NPHP4: variants seen among roughly 807,000 people sequenced by gnomAD.
NPHP4 encodes the protein nephrocystin-4.
In NPHP4, 151 loss-of-function variants were observed where a neutral mutation model predicts 155.8. That is an observed-to-expected ratio of 0.97 (90% confidence interval 0.85 to 1.11). The LOEUF (loss-of-function observed/expected upper bound fraction) is 1.11. NPHP4 is among the 50% of genes least tolerant of loss of function. The pLI is 0.00. For missense variants in NPHP4, 1,956 were observed against 1,925.7 expected (o/e 1.02, Z -0.29); for synonymous variants, 845 against 816.8 (o/e 1.03, Z -0.59).
intron 9 of NPHP4, among the ~76,000 whole-genome samples, chr1:5,943,241 C>T (rs887276490): frequency 2.6e-5 from 4 of 152,328 alleles, no homozygotes; most frequent in Middle Eastern, 3.4e-3. Context: ...AAAAAATTAA[C>T]AGCAGATTAA....
In NPHP4 at chr1:5,867,621, G is replaced by C; in HGVS notation, c.3472+119C>G. 1 of 1,035,252 alleles carries C rather than the reference G, an allele frequency of 9.7e-7. No individual in the cohort carries two copies. Among genetic ancestry groups the C allele is most frequent in the Non-Finnish European group, 1.4e-6 (1 of 708,210 alleles). The allele number at this position is 1,035,252 out of a possible 1,614,324, so 64.1% of individuals were successfully genotyped here. A position where few individuals can be genotyped will look rare whatever the true frequency, so the allele number is the denominator to read the frequency against. On this transcript the variant is annotated intron_variant, in intron 24 of 29. Transcript: ENST00000378156. This position sits in a 1 kb window ranked among gnomAD's most constrained non-coding sequence, Gnocchi z 4.1. ...GGAGAGAGAATTCCCCAGGCCCCAC[G>C]TGCTGCTCTGACAGCACCAGGGCAT...
chr1:5,951,578 C>A lies in NPHP4; in HGVS notation c.810+1122G>T, dbSNP rs988864367. Among the ~76,000 whole-genome samples the A allele has an allele frequency of 5.3e-5, 8 of 152,338 alleles. 1 individual carries two copies. In the South Asian group the frequency reaches 1.7e-3, roughly 32 times the overall value. On this transcript the variant is annotated intron_variant, in intron 7 of 29. Transcript: ENST00000378156. The stretch of plus-strand genomic sequence containing the variant: ...AAGGGGGCTGAGCCCAGGGCTCCAG[C>A]AGAACCAGGCAATCTCCGTCCCACA...
rs1570584442 is a variant in NPHP4, at chr1:5,947,948, G to A, written c.992+122C>T. The A allele has an allele frequency of 3.4e-5, 26 of 756,496 alleles. No homozygotes were observed. The East Asian group carries it at 5.9e-4, about 17-fold the overall frequency. 46.9% of individuals were successfully genotyped at this position (756,496 alleles called of 1,614,324 possible). ...TCCTAATGGGCACAACTTCCAAGAGGAAAGAAACACAAGGAAGAACTCCCA... is the reference window on the plus strand; with the variant it reads ...TCCTAATGGGCACAACTTCCAAGAGAAAAGAAACACAAGGAAGAACTCCCA... On this transcript the variant is annotated intron_variant, in intron 8 of 29. Coordinates refer to ENST00000378156, the MANE Select transcript of NPHP4 (RefSeq NM_015102.5).
chr1:5,867,155 C>T lies in NPHP4; in HGVS notation c.3473-40G>A, dbSNP rs1641326200. On this transcript the variant is annotated intron_variant, in intron 24 of 29. Coordinates refer to ENST00000378156, the MANE Select transcript of NPHP4 (RefSeq NM_015102.5). The surrounding 1 kb of genome is among the most constrained non-coding windows in gnomAD (Gnocchi z 4.1). ...ATGTCAAAAAGAGTCTTCTCCACAG[C>T]CCCAGCCTGTGTGGAGAAGGCCCCA... The T allele has an allele frequency of 6.7e-7, 1 of 1,489,926 alleles. No homozygotes were observed. Among genetic ancestry groups the T allele is most frequent in the Non-Finnish European group, 9.2e-7 (1 of 1,082,118 alleles). The allele number at this position is 1,489,926 out of a possible 1,614,324, so 92.3% of individuals were successfully genotyped here.
chr1:5,979,564 G>C (rs972537101), intron 2 of NPHP4, among the ~76,000 whole-genome samples: 3 of 152,076 alleles, frequency 2.0e-5, no homozygotes, highest in Admixed American at 2.0e-4. Flanking sequence ...TAAGAAAAGG[G>C]TCTCGTCTGT....
At chr1:5,936,595 G>A (rs1646553059) in intron 9 of NPHP4, among the ~76,000 whole-genome samples, 1 of 152,088 alleles carries the variant, frequency 6.6e-6, no homozygotes. Context: ...AAATACACAA[G>A]TACAAATACA....
Position 5,891,071 on chromosome 1 carries a change from A to G in NPHP4, c.2144-43T>C. The G allele has an allele frequency of 2.8e-6, 4 of 1,406,246 alleles. No individual in the cohort carries two copies. In the South Asian group the frequency reaches 6.6e-5, roughly 23 times the overall value. The allele number at this position is 1,406,246 out of a possible 1,614,324, so 87.1% of individuals were successfully genotyped here. A position where few individuals can be genotyped will look rare whatever the true frequency, so the allele number is the denominator to read the frequency against. On this transcript the variant is annotated intron_variant, in intron 16 of 29. Transcript: ENST00000378156. ...AAGGAGGCCAAAAGTAATTGGAGTCATTCATCATCTTTACACTTGGAAGAG... is the reference window on the plus strand; with the variant it reads ...AAGGAGGCCAAAAGTAATTGGAGTCGTTCATCATCTTTACACTTGGAAGAG...
chr1:5,896,727 T>G (rs1035642079), intron 16 of NPHP4, among the ~76,000 whole-genome samples: 5 of 152,138 alleles, frequency 3.3e-5, no homozygotes, highest in African/African-American at 1.2e-4. Context: ...GCACCCCATA[T>G]CCTGATCTCT....
chr1:5,864,061 T>C (rs780354684), intron 28 of NPHP4, 28 bp from the exon 29 acceptor site: 10 of 1,608,900 alleles, frequency 6.2e-6, no homozygotes, highest in Non-Finnish European at 7.6e-6. Context: ...AGGGAGACGC[T>C]GCGGCCACTC....
At position 5,955,354 on chromosome 1, in the gene NPHP4, C is replaced by T. The variant is rs114076130; in HGVS notation, c.674-2518G>A. Among the ~76,000 whole-genome samples the T allele has an allele frequency of 2.4e-3, 373 of 152,326 alleles. 2 individuals carry two copies. The highest frequency in any genetic ancestry group is 8.7e-3 in the African/African-American group (360 of 41,566). ...CTCAAAAAGTTGAAAATAGAATTCCCATATAATTCAGCAATCCTACTACTG... is the reference window on the plus strand; with the variant it reads ...CTCAAAAAGTTGAAAATAGAATTCCTATATAATTCAGCAATCCTACTACTG... On this transcript the variant is annotated intron_variant, in intron 6 of 29. Transcript: ENST00000378156.
intron 7 of NPHP4, among the ~76,000 whole-genome samples, chr1:5,949,143 C>CA (rs1647390277): frequency 6.6e-6 from 1 of 152,046 alleles, no homozygotes. Context: ...GTATAAAATT[C>CA]AACAATGATA....
At position 5,867,363 on chromosome 1, in the gene NPHP4, G is replaced by T; in HGVS notation, c.3473-248C>A. 1 of 547,776 alleles carries T rather than the reference G, an allele frequency of 1.8e-6. No individual in the cohort carries two copies. The allele number at this position is 547,776 out of a possible 1,614,324, so 33.9% of individuals were successfully genotyped here. A position where few individuals can be genotyped will look rare whatever the true frequency, so the allele number is the denominator to read the frequency against. On this transcript the variant is annotated intron_variant, in intron 24 of 29. Coordinates refer to ENST00000378156, the MANE Select transcript of NPHP4 (RefSeq NM_015102.5). This position sits in a 1 kb window ranked among gnomAD's most constrained non-coding sequence, Gnocchi z 4.1. The stretch of plus-strand genomic sequence containing the variant: ...CATCTCCACAGGGAATAATCGAGGG[G>T]GCCACAAAAAAGAAAACACAGCTCC...
chr1:5,881,911 C>G, intron 18 of NPHP4: 1 of 152,430 alleles, frequency 6.6e-6, no homozygotes. Context: ...GGCAAAGGCA[C>G]TGGCACGTTG....
At chr1:5,933,062 A>T in intron 10 of NPHP4, 85 bp downstream of exon 10, 1 of 1,109,038 alleles carries the variant, frequency 9.0e-7, no homozygotes, top group Non-Finnish European at 1.3e-6. Context: ...ACATCTGCAA[A>T]CATATTTGTG....
At chr1:5,957,664 C>A (rs12131583) in intron 6 of NPHP4, among the ~76,000 whole-genome samples, 949 of 66,672 alleles carry the variant, frequency 0.014, 16 homozygotes, top group African/African-American at 0.064. Context: ...AAAAACAAGA[C>A]TGCTGCAACA....
In NPHP4 at chr1:5,903,498, G is replaced by C. The variant is rs142813686; in HGVS notation, c.2143+1119C>G. ...ACCCCAGCTGGGTCCCTTATGAGCT[G>C]AGTCACTGACCAAGATGGGGAAACT... On this transcript the variant is annotated intron_variant, in intron 16 of 29. Coordinates refer to ENST00000378156, the MANE Select transcript of NPHP4 (RefSeq NM_015102.5). Among the ~76,000 whole-genome samples the C allele has an allele frequency of 8.3e-3, 1,257 of 152,142 alleles. 8 individuals are homozygous for C. The highest frequency in any genetic ancestry group is 0.029 in the African/African-American group (1,184 of 41,498).
chr1:5,987,092 A>AC lies in NPHP4; in HGVS notation c.-38-766dup. On this transcript the variant is annotated intron_variant, in intron 1 of 29. Coordinates refer to ENST00000378156, the MANE Select transcript of NPHP4 (RefSeq NM_015102.5). ...TCATTATTAGAGACCTCAGTTGGTC[A>AC]CCCCACGACACTTCAGCTACATGAA... Among the ~76,000 whole-genome samples the AC allele has an allele frequency of 3.9e-5, 6 of 152,062 alleles. 1 individual carries two copies. The Middle Eastern group carries it at 0.02, about 517-fold the overall frequency.
chr1:5,888,047 C>T (rs190285372), intron 17 of NPHP4, among the ~76,000 whole-genome samples: 38 of 152,238 alleles, frequency 2.5e-4, no homozygotes, highest in Middle Eastern at 3.4e-3. Context: ...GGTAGAGGCC[C>T]GTGGGGCCCA....
intron 1 of NPHP4, among the ~76,000 whole-genome samples, chr1:5,988,436 C>G (rs1179770361): frequency 6.6e-6 from 1 of 152,176 alleles, no homozygotes; most frequent in East Asian, 1.9e-4. Context: ...TCCCACTCTT[C>G]TAAATTTTTT....
Sources: allele counts gnomAD v4.1 joint callset (sites outside exome capture counted in the v4.1 genomes callset), GRCh38; gene constraint gnomAD v4.1.1; non-coding constraint Gnocchi (gnomAD v3.1); transcripts MANE v1.5; gene names NCBI Gene and HGNC (gene_info 2026-07-23, HGNC 2026-07-21).